Variants in DLGAP2 observed in about 807,000 individuals in gnomAD.
DLGAP2 encodes the protein disks large-associated protein 2.
DLGAP2 carries 26 observed loss-of-function variants against 100.3 expected under a neutral mutation model. That is an observed-to-expected ratio of 0.26 (90% confidence interval 0.19 to 0.36). The LOEUF is 0.36. DLGAP2 is among the 10% of genes least tolerant of loss of function. The pLI, the probability that DLGAP2 is intolerant of heterozygous loss-of-function variation, is 1.00. For missense variants in DLGAP2, 1,858 were observed against 1,453.2 expected (o/e 1.28, Z -4.53); for synonymous variants, 886 against 630.1 (o/e 1.41, Z -6.08).
chr8:1,057,727 T>C (rs1802925732), intron 2 of DLGAP2, among the ~76,000 whole-genome samples: 4 of 152,220 alleles, frequency 2.6e-5, no homozygotes, highest in South Asian at 2.1e-4. Flanking sequence ...TCTTTGAGAA[T>C]TGTGACTATG....
At chr8:1,610,720 C>A (rs1435320053) in intron 6 of DLGAP2, among the ~76,000 whole-genome samples, 2 of 143,144 alleles carry the variant, frequency 1.4e-5, no homozygotes, top group Non-Finnish European at 3.0e-5. Context: ...ACCACCGATC[C>A]CACAGAAATA....
chr8:962,112 T>C (rs552957577), intron 2 of DLGAP2, among the ~76,000 whole-genome samples: 2 of 152,360 alleles, frequency 1.3e-5, no homozygotes, highest in South Asian at 2.1e-4. Context: ...GTAATTATCA[T>C]AGTCGTCATC....
intron 2 of DLGAP2, among the ~76,000 whole-genome samples, chr8:1,077,790 C>T (rs182778786): frequency 6.6e-6 from 1 of 152,216 alleles, no homozygotes; most frequent in Non-Finnish European, 1.5e-5. Flanking sequence ...ATCAAACTCC[C>T]CTTTTCCACA....
intron 2 of DLGAP2, among the ~76,000 whole-genome samples, chr8:984,814 G>A (rs1437894316): frequency 6.6e-6 from 1 of 152,162 alleles, no homozygotes; most frequent in African/African-American, 2.4e-5. Context: ...GAATGCAAGT[G>A]GCATAAACAA....
At chr8:1,330,069 G>A (rs73670758) in intron 3 of DLGAP2, among the ~76,000 whole-genome samples, 1 of 152,204 alleles carries the variant, frequency 6.6e-6, no homozygotes, top group Non-Finnish European at 1.5e-5. Flanking sequence ...TTTGTGGTGG[G>A]TCACAGTCCC....
chr8:1,234,208 G>A (rs975054824), intron 2 of DLGAP2, among the ~76,000 whole-genome samples: 2 of 152,228 alleles, frequency 1.3e-5, no homozygotes, highest in Non-Finnish European at 2.9e-5. Context: ...GCACCTGTCT[G>A]CTGGGACTTC....
intron 6 of DLGAP2, 80 bp from the exon 7 acceptor site, chr8:1,626,660 G>A (rs564186016): frequency 6.6e-7 from 1 of 1,525,372 alleles, no homozygotes; most frequent in East Asian, 2.5e-5. Flanking sequence ...GCCTCTGGGT[G>A]TGGGTTGGAT....
At chr8:745,874 A>G (rs1820604868) in intron 1 of DLGAP2, among the ~76,000 whole-genome samples, 1 of 152,244 alleles carries the variant, frequency 6.6e-6, no homozygotes. Context: ...CATAAAGACC[A>G]GACTGGAAGG....
intron 8 of DLGAP2, among the ~76,000 whole-genome samples, chr8:1,648,947 C>T (rs73671285): frequency 0.011 from 1,681 of 152,286 alleles, 37 homozygotes; most frequent in African/African-American, 0.038. Flanking sequence ...TATTCTGCAA[C>T]GTGAGTGGAG....
chr8:1,698,672 GT>G, intron 14 of DLGAP2, among the ~76,000 whole-genome samples: 1 of 28,362 alleles, frequency 3.5e-5, no homozygotes, highest in Admixed American at 4.1e-4. Context: ...GGACAGGTCA[GT>G]GTAAGCCATG....
chr8:1,253,160 A>T (rs1213926823), intron 2 of DLGAP2, among the ~76,000 whole-genome samples: 2 of 152,220 alleles, frequency 1.3e-5, no homozygotes, highest in Non-Finnish European at 2.9e-5. Flanking sequence ...AACCAGCCTC[A>T]GGAAAGCGGT....
intron 2 of DLGAP2, among the ~76,000 whole-genome samples, chr8:1,257,436 C>G (rs1041752556): frequency 1.3e-5 from 2 of 152,034 alleles, no homozygotes; most frequent in South Asian, 2.1e-4. Context: ...TGCCCCTCCA[C>G]CCCCCCGCCC....
intron 6 of DLGAP2, among the ~76,000 whole-genome samples, chr8:1,594,734 C>G (rs777784997): frequency 1.3e-5 from 2 of 152,130 alleles, no homozygotes; most frequent in Non-Finnish European, 2.9e-5. Flanking sequence ...AGGTCACACT[C>G]TCTTATAATG....
At chr8:1,288,731 G>A (rs1255339553) in intron 3 of DLGAP2, among the ~76,000 whole-genome samples, 1 of 149,382 alleles carries the variant, frequency 6.7e-6, no homozygotes, top group African/African-American at 2.5e-5. Flanking sequence ...TCGTTTCAGT[G>A]TGTGTGTGCG....
intron 1 of DLGAP2, among the ~76,000 whole-genome samples, chr8:843,257 T>C (rs1329249898): frequency 6.6e-6 from 1 of 152,242 alleles, no homozygotes; most frequent in East Asian, 1.9e-4. Flanking sequence ...AGGTGGCAGT[T>C]TGACTTCTGA....
intron 2 of DLGAP2, among the ~76,000 whole-genome samples, chr8:1,169,430 T>C (rs1394205559): frequency 1.3e-5 from 2 of 152,200 alleles, no homozygotes; most frequent in Non-Finnish European, 1.5e-5. Flanking sequence ...AAGTCATTGG[T>C]AGCTTGATGG....
intron 2 of DLGAP2, among the ~76,000 whole-genome samples, chr8:990,308 C>T (rs961601822): frequency 6.7e-6 from 1 of 148,664 alleles, no homozygotes; most frequent in Non-Finnish European, 1.5e-5. Flanking sequence ...GAAAGTGGCC[C>T]AGACCCCCTG....
At chr8:776,162 T>G (rs1563425756) in intron 1 of DLGAP2, among the ~76,000 whole-genome samples, 1 of 150,556 alleles carries the variant, frequency 6.6e-6, no homozygotes. Flanking sequence ...TATTCTCTGA[T>G]GGTAGTTTGT....
At chr8:1,263,544 C>T (rs1799393105) in intron 3 of DLGAP2, among the ~76,000 whole-genome samples, 1 of 152,180 alleles carries the variant, frequency 6.6e-6, no homozygotes, top group African/African-American at 2.4e-5. Context: ...CAGTTAGTAG[C>T]ATTAAGTTCT....
Sources: gnomAD v4.1 joint callset for allele counts (sites outside exome capture counted in the v4.1 genomes callset) on GRCh38, gnomAD v4.1.1 for gene constraint, MANE v1.5 for transcripts, NCBI Gene and HGNC (gene_info 2026-07-23, HGNC 2026-07-21) for gene names.